Variants in KLRG1 observed in about 807,000 individuals in gnomAD.
The protein encoded by KLRG1 is killer cell lectin-like receptor subfamily G member 1.
KLRG1 carries 16 observed loss-of-function variants against 21.8 expected under a neutral mutation model. The ratio of observed to expected loss-of-function variants is 0.73; its 90% CI spans 0.50 to 1.11. The LOEUF (loss-of-function observed/expected upper bound fraction) is 1.11. Among genes scored for constraint, KLRG1 ranks in the 50% most tolerant of loss-of-function variants. The pLI is 0.00. For missense variants in KLRG1, 173 were observed against 218.3 expected (o/e 0.79, Z 1.31); for synonymous variants, 69 against 75.9 (o/e 0.91, Z 0.47).
At chr12:8,964,247 G>A (rs1946427705) in intron 1 of KLRG1, among the ~76,000 whole-genome samples, 1 of 152,130 alleles carries the variant, frequency 6.6e-6, no homozygotes, top group Non-Finnish European at 1.5e-5. Flanking sequence ...CTTTGTTCCT[G>A]TTGGTTTCAA....
At chr12:8,984,139 C>T (rs1946804478) in intron 1 of KLRG1, among the ~76,000 whole-genome samples, 1 of 152,046 alleles carries the variant, frequency 6.6e-6, no homozygotes, top group South Asian at 2.1e-4. Context: ...TTTTAGCAAT[C>T]TGTCTTCATG....
chr12:8,985,403 C>A (rs955868553), upstream of KLRG1, among the ~76,000 whole-genome samples: 2 of 152,164 alleles, frequency 1.3e-5, no homozygotes, highest in Non-Finnish European at 2.9e-5. Context: ...CCCCACATAC[C>A]AATTAGCAGA....
chr12:9,175,386 C>G, the KLRG1 span, among the ~76,000 whole-genome samples: 1 of 152,138 alleles, frequency 6.6e-6, no homozygotes, highest in African/African-American at 2.4e-5. Flanking sequence ...CAATACCATT[C>G]AGGAGATAGG....
the KLRG1 span, among the ~76,000 whole-genome samples, chr12:9,032,738 A>AT: frequency 2.0e-5 from 3 of 152,138 alleles, no homozygotes; most frequent in South Asian, 4.1e-4. Context: ...GCCTTTTGAG[A>AT]TTTTTTTCAG....
downstream of KLRG1, among the ~76,000 whole-genome samples, chr12:9,011,931 C>A (rs894944256): frequency 5.9e-5 from 9 of 152,192 alleles, no homozygotes; most frequent in African/African-American, 1.9e-4. Flanking sequence ...TTTAGACCAG[C>A]CCTAGCCACA....
At chr12:9,038,781 C>T in the KLRG1 span, among the ~76,000 whole-genome samples, 1 of 151,922 alleles carries the variant, frequency 6.6e-6, no homozygotes, top group African/African-American at 2.4e-5. Flanking sequence ...CACGTGTAAT[C>T]CCAGCTACTC....
At chr12:9,058,522 T>C in the KLRG1 span, 1 of 142,414 alleles carries the variant, frequency 7.0e-6, no homozygotes, top group African/African-American at 2.5e-5. Context: ...TAAACAAACA[T>C]ATATGTTTTA....
upstream of KLRG1, chr12:8,987,071 C>T (rs1431181843): frequency 6.6e-6 from 1 of 152,102 alleles, no homozygotes; most frequent in Non-Finnish European, 1.5e-5. Flanking sequence ...AATTATTTGG[C>T]CTCAGGTATT....
the KLRG1 span, chr12:9,154,809 C>T: frequency 4.3e-6 from 7 of 1,614,074 alleles, no homozygotes; most frequent in Non-Finnish European, 5.9e-6. Flanking sequence ...TGCCTTGGGT[C>T]TCTGAGGGCG....
At chr12:8,953,817 C>T (rs992896469) in intron 1 of KLRG1, among the ~76,000 whole-genome samples, 8 of 152,038 alleles carry the variant, frequency 5.3e-5, no homozygotes, top group African/African-American at 1.7e-4. Flanking sequence ...GAAGCAGCTA[C>T]GAAAAGGAGC....
chr12:9,039,237 G>A, the KLRG1 span, among the ~76,000 whole-genome samples: 14 of 152,192 alleles, frequency 9.2e-5, no homozygotes. Context: ...CTCATTTGTT[G>A]TTTTTGATGG....
At chr12:9,152,281 A>G in the KLRG1 span, 2 of 1,613,344 alleles carry the variant, frequency 1.2e-6, no homozygotes, top group Non-Finnish European at 1.7e-6. Context: ...AACAATCACC[A>G]TATTGGAAGC....
At chr12:9,078,182 C>T in the KLRG1 span, among the ~76,000 whole-genome samples, 1 of 152,076 alleles carries the variant, frequency 6.6e-6, no homozygotes, top group Non-Finnish European at 1.5e-5. Context: ...CCGCTTAGTT[C>T]CCTCCCGTCA....
the KLRG1 span, chr12:9,090,563 A>G: frequency 6.8e-7 from 1 of 1,475,430 alleles, no homozygotes; most frequent in Non-Finnish European, 9.3e-7. Flanking sequence ...ATCTTGAGGA[A>G]TTGGTTAGAT....
chr12:9,017,264 C>CAA, the KLRG1 span, among the ~76,000 whole-genome samples: 8 of 53,126 alleles, frequency 1.5e-4, no homozygotes, highest in Admixed American at 2.8e-4. Flanking sequence ...AACTCCATCT[C>CAA]AAAAAAAAAA....
the KLRG1 span, among the ~76,000 whole-genome samples, chr12:9,023,977 T>G: frequency 2.0e-5 from 3 of 151,906 alleles, no homozygotes. Flanking sequence ...TTGAATTCTT[T>G]TGGCACCTAT....
chr12:9,197,581 CATAAT>C, the KLRG1 span, among the ~76,000 whole-genome samples: 2 of 94,144 alleles, frequency 2.1e-5, no homozygotes, highest in Admixed American at 3.6e-4. Context: ...TAATATATGA[CATAAT>C]ATAATATATA....
rs151149564 is a variant in KLRG1, at chr12:9,007,913, T to A, written c.358-1062T>A. Among the ~76,000 whole-genome samples, 535 of 152,354 alleles carry A rather than the reference T, an allele frequency of 3.5e-3. 4 individuals carry two copies. Among genetic ancestry groups the A allele is most frequent in the African/African-American group, 0.012 (503 of 41,584 alleles). On this transcript the variant is annotated intron_variant, in intron 3 of 4. Coordinates refer to ENST00000356986, the MANE Select transcript of KLRG1 (RefSeq NM_005810.4). Reference sequence around the variant, plus strand: ...TTACCTTGGATTATCTTTCTAACCTTTTATTTTAATCTATTTTAATCTTTA... The same window carrying A: ...TTACCTTGGATTATCTTTCTAACCTATTATTTTAATCTATTTTAATCTTTA...
the KLRG1 span, among the ~76,000 whole-genome samples, chr12:9,076,408 A>G: frequency 6.6e-6 from 1 of 152,248 alleles, no homozygotes; most frequent in Non-Finnish European, 1.5e-5. Context: ...TCACATAGGT[A>G]GCACATTTTG....
Sources: gnomAD v4.1 joint callset for allele counts (sites outside exome capture counted in the v4.1 genomes callset) on GRCh38, gnomAD v4.1.1 for gene constraint, MANE v1.5 for transcripts, NCBI Gene and HGNC (gene_info 2026-07-23, HGNC 2026-07-21) for gene names.